Variants in SCN8A observed in about 807,000 individuals in gnomAD.
SCN8A encodes sodium channel protein type 8 subunit alpha.
In SCN8A, 30 loss-of-function variants were observed where a neutral mutation model predicts 184.1. The observed-to-expected ratio is 0.16, with a 90% CI of 0.12 to 0.22. SCN8A has a LOEUF of 0.22. Among genes scored for constraint, SCN8A ranks in the 10% least tolerant of loss-of-function variants. The pLI is 1.00. For synonymous variants in SCN8A, 852 were observed against 907.0 expected (o/e 0.94, Z 1.09); for missense variants, 1,057 against 2,498.9 (o/e 0.42, Z 12.30).
intron 12 of SCN8A, among the ~76,000 whole-genome samples, chr12:51,729,349 C>T (rs1162363375): frequency 6.6e-6 from 1 of 152,178 alleles, no homozygotes; most frequent in Non-Finnish European, 1.5e-5. Flanking sequence ...CAGTTCCTTC[C>T]ACTTCAGGCA....
At chr12:51,640,601 G>A (rs1467328264) in intron 1 of SCN8A, among the ~76,000 whole-genome samples, 1 of 152,132 alleles carries the variant, frequency 6.6e-6, no homozygotes, top group Non-Finnish European at 1.5e-5. Context: ...TTTTTGTGAA[G>A]CATTAGACAC....
Position 51,806,716 on chromosome 12 carries a change from T to A in SCN8A, c.5230T>A (p.Phe1744Ile), listed in dbSNP as rs1938711929. ...GDCGNPSVGI[F>I]FFVSYIIISF... is the part of the protein sequence containing the mutation. ...TTGTGGGAACCCCTCAGTGGGCATCTTCTTCTTTGTAAGCTACATCATCAT... is the reference window on the plus strand; with the variant it reads ...TTGTGGGAACCCCTCAGTGGGCATCATCTTCTTTGTAAGCTACATCATCAT... The change falls in exon 27 of 27, where the codon TTC (phenylalanine) becomes ATC (isoleucine). Residue 1744 changes from phenylalanine to isoleucine, a missense_variant. Phe to Ile is a conservative substitution (Grantham distance 21). This residue lies in a region of SCN8A where 21 missense variants were observed against 42.3 expected (regional missense o/e 0.50). Coordinates refer to ENST00000627620, the MANE Select transcript of SCN8A (RefSeq NM_001330260.2). The surrounding 1 kb of genome is among the most constrained non-coding windows in gnomAD (Gnocchi z 8.7). 6.2e-7 allele frequency: 1 copy of A among 1,614,124 alleles called. No individual in the cohort carries two copies. Among genetic ancestry groups the A allele is most frequent in the East Asian group, 2.2e-5 (1 of 44,880 alleles).
intron 8 of SCN8A, among the ~76,000 whole-genome samples, chr12:51,702,442 G>A (rs1592390202): frequency 6.6e-6 from 1 of 152,104 alleles, no homozygotes; most frequent in South Asian, 2.1e-4. Context: ...TCACACTTTG[G>A]CATGCATAAG....
intron 1 of SCN8A, among the ~76,000 whole-genome samples, chr12:51,651,924 C>T (rs1476239473): frequency 6.6e-6 from 1 of 152,148 alleles, no homozygotes; most frequent in African/African-American, 2.4e-5. Context: ...ATTTTTTAAG[C>T]TGAAGCTGAT....
chr12:51,683,339 A>G (rs1174967878), intron 2 of SCN8A, among the ~76,000 whole-genome samples: 2 of 152,222 alleles, frequency 1.3e-5, no homozygotes, highest in Non-Finnish European at 2.9e-5. Flanking sequence ...GGCCAACGTT[A>G]TGAATTATGA....
At chr12:51,714,605 C>T (rs1048583927) in intron 11 of SCN8A, among the ~76,000 whole-genome samples, 1 of 152,104 alleles carries the variant, frequency 6.6e-6, no homozygotes, top group Non-Finnish European at 1.5e-5. Flanking sequence ...GGTCTCCAGA[C>T]CACACTTTAA....
chr12:51,782,160 G>T (rs1220368342), intron 21 of SCN8A, among the ~76,000 whole-genome samples: 1 of 152,234 alleles, frequency 6.6e-6, no homozygotes, highest in Non-Finnish European at 1.5e-5. Context: ...TCTGCAGGAA[G>T]GGCAGTTCCA....
chr12:51,686,044 T>C (rs1203799309), intron 3 of SCN8A, among the ~76,000 whole-genome samples: 2 of 152,216 alleles, frequency 1.3e-5, no homozygotes, highest in Non-Finnish European at 2.9e-5. Flanking sequence ...TTATACTAAG[T>C]GCAAAAAACA....
intron 14 of SCN8A, among the ~76,000 whole-genome samples, chr12:51,758,000 G>T (rs1049451638): frequency 6.6e-6 from 1 of 152,132 alleles, no homozygotes; most frequent in African/African-American, 2.4e-5. Flanking sequence ...TGTAATTAAA[G>T]AATTACAATA....
intron 13 of SCN8A, among the ~76,000 whole-genome samples, chr12:51,747,863 T>C (rs200057802): frequency 7.4e-5 from 11 of 148,766 alleles, no homozygotes; most frequent in African/African-American, 2.7e-4. Context: ...TCACACACAT[T>C]AAAAAAAAAA....
At chr12:51,668,381 A>C (rs1423841637) in intron 2 of SCN8A, among the ~76,000 whole-genome samples, 1 of 152,136 alleles carries the variant, frequency 6.6e-6, no homozygotes, top group Non-Finnish European at 1.5e-5. Context: ...AAAAGCCCAC[A>C]CCACTGTTGG....
chr12:51,591,751 G>A lies in SCN8A; in HGVS notation c.-55+392G>A, dbSNP rs1033476354. On this transcript the variant is annotated intron_variant, in intron 1 of 26. Coordinates refer to ENST00000627620, the MANE Select transcript of SCN8A (RefSeq NM_001330260.2). ...CCCTAGCCGGCTTGCACTGGGAAGG[G>A]CAGCGCTGTCGGGATCTTCCTACAG... Among the ~76,000 whole-genome samples, 57 of 152,242 alleles carry A rather than the reference G, an allele frequency of 3.7e-4. 1 individual carries two copies. The highest frequency in any genetic ancestry group is 1.0e-3 in the Admixed American group (16 of 15,302).
chr12:51,651,514 C>T (rs1940713921), intron 1 of SCN8A, among the ~76,000 whole-genome samples: 1 of 152,198 alleles, frequency 6.6e-6, no homozygotes, highest in South Asian at 2.1e-4. Flanking sequence ...GCACTTCTTA[C>T]ATGGCAGCAG....
chr12:51,786,661 C>A lies in SCN8A; in HGVS notation c.4062C>A (p.His1354Gln). 1 of 1,613,974 alleles carries A rather than the reference C, an allele frequency of 6.2e-7. No homozygotes were observed. The highest frequency in any genetic ancestry group is 8.5e-7 in the Non-Finnish European group (1 of 1,179,896). ...TTAACTTGTTTGCGGGAAAGTACCA[C>A]TACTGCTTTAATGAGACTTCTGAAA... is the stretch of plus-strand genomic sequence containing the variant. ...MGVNLFAGKY[H>Q]YCFNETSEIR... The change falls in exon 22 of 27, where the codon CAC (histidine) becomes CAA (glutamine). Residue 1354 changes from histidine (H) to glutamine (Q), a missense_variant. Coordinates refer to ENST00000627620, the MANE Select transcript of SCN8A (RefSeq NM_001330260.2).
At chr12:51,745,476 T>A (rs1942495015) in intron 12 of SCN8A, among the ~76,000 whole-genome samples, 1 of 152,214 alleles carries the variant, frequency 6.6e-6, no homozygotes, top group African/African-American at 2.4e-5. Context: ...GACTTGACTT[T>A]AATGAAATTT....
chr12:51,795,477 T>C (rs1383366652), intron 26 of SCN8A, among the ~76,000 whole-genome samples: 2 of 152,180 alleles, frequency 1.3e-5, no homozygotes, highest in Non-Finnish European at 2.9e-5. Context: ...TCGAGACCCA[T>C]GGGACCAGCC....
intron 11 of SCN8A, among the ~76,000 whole-genome samples, chr12:51,717,174 C>T (rs961891517): frequency 2.6e-5 from 4 of 152,304 alleles, no homozygotes; most frequent in South Asian, 2.1e-4. Context: ...ACGGAAGTAA[C>T]GAACTCTTCT....
At chr12:51,755,629 A>C (rs569855964) in intron 14 of SCN8A, among the ~76,000 whole-genome samples, 12 of 151,912 alleles carry the variant, frequency 7.9e-5, no homozygotes, top group African/African-American at 2.7e-4. Flanking sequence ...ATAGAAAACT[A>C]AAAAAAAAGG....
intron 1 of SCN8A, among the ~76,000 whole-genome samples, chr12:51,597,246 C>G (rs1477462901): frequency 6.6e-6 from 1 of 152,138 alleles, no homozygotes; most frequent in Non-Finnish European, 1.5e-5. Flanking sequence ...ATTTGGATCA[C>G]TTTATATTCA....
Sources: allele counts gnomAD v4.1 joint callset (sites outside exome capture counted in the v4.1 genomes callset), GRCh38; gene constraint gnomAD v4.1.1; regional missense constraint gnomAD v4.1.1; non-coding constraint Gnocchi (gnomAD v3.1); transcripts MANE v1.5; gene names NCBI Gene and HGNC (gene_info 2026-07-23, HGNC 2026-07-21).